NREP: variants seen among roughly 807,000 people sequenced by gnomAD.
The protein encoded by NREP is neuronal regeneration related protein, also known as neuronal regeneration-related protein.
A neutral mutation model predicts 8.6 loss-of-function variants in NREP; 5 were observed. The observed-to-expected ratio is 0.58, with a 90% CI of 0.30 to 1.22. NREP has a LOEUF of 1.22. NREP is among the 50% of genes most tolerant of loss of function. The pLI, the probability that NREP is intolerant of heterozygous loss-of-function variation, is 0.07. For synonymous variants in NREP, 27 were observed against 28.0 expected, an observed-to-expected ratio of 0.96 and a Z score of 0.11; for missense variants, 86 against 82.5, an observed-to-expected ratio of 1.04 and a Z score of -0.17.
At chr5:111,837,883 G>T (rs1752934456) in intron 2 of NREP, among the ~76,000 whole-genome samples, 1 of 151,866 alleles carries the variant, frequency 6.6e-6, no homozygotes, top group African/African-American at 2.4e-5. Flanking sequence ...CATTCCAGTG[G>T]CCAAACCGTA....
chr5:111,761,801 T>C (rs1196252851), upstream of NREP, among the ~76,000 whole-genome samples: 10 of 152,168 alleles, frequency 6.6e-5, no homozygotes, highest in Non-Finnish European at 1.5e-4. Context: ...GAATTGGATC[T>C]GATAATGGGC....
chr5:111,944,443 G>A lies in NREP; in HGVS notation c.135+30831C>T, dbSNP rs192579255. On this transcript the variant is annotated intron_variant, in intron 2 of 3. Coordinates refer to the NREP transcript ENST00000395634. ...CCACCTAAGACTCCCAGGCAGCTGG[G>A]ACCATAGGCATGTACCACCATGCCT... is the stretch of plus-strand genomic sequence containing the variant. Among the ~76,000 whole-genome samples the A allele has an allele frequency of 5.1e-4, 78 of 152,154 alleles. 1 individual carries two copies. Among genetic ancestry groups the A allele is most frequent in the African/African-American group, 1.7e-3 (69 of 41,540 alleles).
At chr5:111,885,946 G>A (rs1338588849) in intron 2 of NREP, among the ~76,000 whole-genome samples, 1 of 152,126 alleles carries the variant, frequency 6.6e-6, no homozygotes, top group Non-Finnish European at 1.5e-5. Flanking sequence ...CAAAAGCAAT[G>A]GCAACCAAAG....
rs1056005686 is a variant in NREP at position 111,881,777 on chromosome 5, G to A, written c.135+93497C>T. The stretch of plus-strand genomic sequence containing the variant: ...AGACCTGCAGCTGAGGGTCCTGTCT[G>A]TTAGAAGGAAAACTAACAAACAGAA... On this transcript the variant is annotated intron_variant, in intron 2 of 3. Transcript: ENST00000395634. Among the ~76,000 whole-genome samples, 26 of 152,254 alleles carry A rather than the reference G, an allele frequency of 1.7e-4. 1 individual carries two copies. Among genetic ancestry groups the A allele is most frequent in the Admixed American group, 4.6e-4 (7 of 15,296 alleles).
At position 111,820,559 on chromosome 5, in the gene NREP, G is replaced by A. The variant is rs934562031; in HGVS notation, c.136-85052C>T. 4.6e-5 allele frequency among the ~76,000 whole-genome samples: 7 copies of A among 152,046 alleles called. No homozygotes were observed. In the East Asian group the frequency reaches 5.8e-4, roughly 13 times the overall value. ...TGGGAAATGGAAAAAGATGATGCAG[G>A]GCTAGAGCTGATTTTTTTTTTTAAT... On this transcript the variant is annotated intron_variant, in intron 2 of 3. Coordinates refer to the NREP transcript ENST00000395634.
intron 2 of NREP, among the ~76,000 whole-genome samples, chr5:111,750,173 T>C (rs371030297): frequency 2.0e-5 from 3 of 152,246 alleles, no homozygotes; most frequent in South Asian, 2.1e-4. Context: ...TCCCCTATGA[T>C]AGTAAAAAGG....
chr5:111,908,327 G>A lies in NREP; in HGVS notation c.135+66947C>T, dbSNP rs562424034. ...ATTCAGGGGGTATATGTGTAGGTTT[G>A]TTACATAGATATTATGTGATGCTGA... is the stretch of plus-strand genomic sequence containing the variant. On this transcript the variant is annotated intron_variant, in intron 2 of 3. Coordinates refer to the NREP transcript ENST00000395634. 2.6e-5 allele frequency among the ~76,000 whole-genome samples: 4 copies of A among 152,068 alleles called. No individual in the cohort carries two copies. The South Asian group carries it at 8.3e-4, about 32-fold the overall frequency.
upstream of NREP, chr5:111,758,034 GGTGCCT>G (rs1252217200): frequency 3.0e-6 from 3 of 985,386 alleles, no homozygotes; most frequent in African/African-American, 3.5e-5. Context: ...AGCAGAAAAT[GGTGCCT>G]GCGGCGGCGC....
chr5:111,762,568 T>C (rs1485045508), upstream of NREP, among the ~76,000 whole-genome samples: 1 of 152,052 alleles, frequency 6.6e-6, no homozygotes, highest in Non-Finnish European at 1.5e-5. Context: ...TGAGGTCATA[T>C]GGTCGGGCTC....
chr5:111,855,223 C>G (rs1753399838), intron 2 of NREP, among the ~76,000 whole-genome samples: 1 of 152,182 alleles, frequency 6.6e-6, no homozygotes, highest in Non-Finnish European at 1.5e-5. Flanking sequence ...AACATAGGAT[C>G]TGGAAACAGA....
At chr5:111,883,530 G>A (rs1754145912) in intron 2 of NREP, among the ~76,000 whole-genome samples, 2 of 152,054 alleles carry the variant, frequency 1.3e-5, no homozygotes, top group African/African-American at 4.8e-5. Context: ...ACTTTTTTCA[G>A]CACCACACCA....
intron 2 of NREP, among the ~76,000 whole-genome samples, chr5:111,942,533 G>A (rs879597563): frequency 6.6e-6 from 1 of 151,984 alleles, no homozygotes; most frequent in Non-Finnish European, 1.5e-5. Flanking sequence ...ATAGCAGCAA[G>A]TGTGACTCAA....
intron 2 of NREP, among the ~76,000 whole-genome samples, chr5:111,829,284 G>A (rs771550400): frequency 2.0e-5 from 3 of 152,130 alleles, no homozygotes; most frequent in Non-Finnish European, 4.4e-5. Flanking sequence ...GCAACGTACT[G>A]ACATAATCAG....
At chr5:111,899,121 T>C (rs1754581924) in intron 2 of NREP, among the ~76,000 whole-genome samples, 1 of 152,080 alleles carries the variant, frequency 6.6e-6, no homozygotes, top group Admixed American at 6.6e-5. Context: ...AAGGACAATA[T>C]ATAATATCAT....
chr5:111,901,708 C>CA (rs1754651218), intron 2 of NREP, among the ~76,000 whole-genome samples: 1 of 151,822 alleles, frequency 6.6e-6, no homozygotes, highest in Admixed American at 6.6e-5. Context: ...ACTAGAGCTA[C>CA]AAAAAATAAA....
chr5:111,812,094 C>A (rs62371583), intron 2 of NREP, among the ~76,000 whole-genome samples: 44,008 of 151,856 alleles, frequency 0.29, 7,337 homozygotes, highest in Non-Finnish European at 0.39. Context: ...TTGAGACAAA[C>A]CTGGGCAACA....
intron 2 of NREP, among the ~76,000 whole-genome samples, chr5:111,802,197 T>A (rs1752029870): frequency 6.6e-6 from 1 of 152,154 alleles, no homozygotes; most frequent in Non-Finnish European, 1.5e-5. Flanking sequence ...AGAATTTTAA[T>A]AGAGCCATGA....
At chr5:111,940,549 A>G (rs956087405) in intron 2 of NREP, among the ~76,000 whole-genome samples, 3 of 152,028 alleles carry the variant, frequency 2.0e-5, no homozygotes, top group Admixed American at 6.6e-5. Context: ...GAGAAGAGCT[A>G]AAGTAGGCAT....
chr5:111,951,798 T>C (rs1415733523), intron 2 of NREP, among the ~76,000 whole-genome samples: 1 of 152,090 alleles, frequency 6.6e-6, no homozygotes, highest in Non-Finnish European at 1.5e-5. Flanking sequence ...TATTTGTGGT[T>C]TCATTTTAAA....
Sources: gnomAD v4.1 joint callset for allele counts (sites outside exome capture counted in the v4.1 genomes callset) on GRCh38, gnomAD v4.1.1 for gene constraint, MANE v1.5 for transcripts, NCBI Gene and HGNC (gene_info 2026-07-23, HGNC 2026-07-21) for gene names.